ARL14EP: variants seen among roughly 807,000 people sequenced by gnomAD.
ARL14EP encodes ARL14 effector protein.
A neutral mutation model predicts 23.1 loss-of-function variants in ARL14EP; 12 were observed. The ratio of observed to expected loss-of-function variants is 0.52; its 90% CI spans 0.33 to 0.84. ARL14EP has a LOEUF of 0.84. Ranked by LOEUF, ARL14EP falls within the 40% of genes least tolerant of loss-of-function variation. The pLI, the probability that ARL14EP is intolerant of heterozygous loss-of-function variation, is 0.02. For missense variants in ARL14EP, 253 were observed against 307.3 expected (o/e 0.82, Z 1.32); for synonymous variants, 97 against 102.0 (o/e 0.95, Z 0.29).
At chr11:30,334,761 T>C (rs73457829) in intron 3 of ARL14EP, among the ~76,000 whole-genome samples, 3,984 of 152,316 alleles carry the variant, frequency 0.026, 177 homozygotes, top group African/African-American at 0.09. Context: ...GTTTACAGCA[T>C]TGTTCATTGA....
intron 1 of ARL14EP, among the ~76,000 whole-genome samples, chr11:30,327,635 G>A (rs1433460554): frequency 6.6e-6 from 1 of 152,042 alleles, no homozygotes; most frequent in African/African-American, 2.4e-5. Context: ...GTACAGTGAT[G>A]AGGGATAGTT....
chr11:30,335,858 G>A (rs950939303), intron 3 of ARL14EP, among the ~76,000 whole-genome samples: 1 of 151,864 alleles, frequency 6.6e-6, no homozygotes, highest in South Asian at 2.1e-4. Flanking sequence ...AAATGTGCCT[G>A]TAATTCATAT....
At position 30,337,945 on chromosome 11, in the gene ARL14EP, T is replaced by G. The variant is rs1254967926; in HGVS notation, c.*1150T>G. 2.0e-5 allele frequency: 3 copies of G among 152,216 alleles called. No homozygotes were observed. Among genetic ancestry groups the G allele is most frequent in the Non-Finnish European group, 4.4e-5 (3 of 68,044 alleles). 9.4% of individuals were successfully genotyped at this position (152,216 alleles called of 1,614,324 possible). A position where few individuals can be genotyped will look rare whatever the true frequency, so the allele number is the denominator to read the frequency against. ...TTTTTTTCTACATTTATAACTGGTC[T>G]TAAGAGTTTTTAATATTTGAGCAGA... On this transcript the variant is annotated 3_prime_UTR_variant, in exon 4 of 4. Coordinates refer to ENST00000282032, the MANE Select transcript of ARL14EP (RefSeq NM_152316.3).
In ARL14EP at chr11:30,337,363, G is replaced by T. The variant is rs1276782953; in HGVS notation, c.*568G>T. The T allele has an allele frequency of 6.4e-6, 1 of 155,054 alleles. No individual in the cohort carries two copies. The highest frequency in any genetic ancestry group is 1.9e-4 in the East Asian group (1 of 5,290). The allele number at this position is 155,054 out of a possible 1,614,324, so 9.6% of individuals were successfully genotyped here. On this transcript the variant is annotated 3_prime_UTR_variant, in exon 4 of 4. Coordinates refer to ENST00000282032, the MANE Select transcript of ARL14EP (RefSeq NM_152316.3). ...GTACAGCAGAGCATGTAGTTATGCT[G>T]TCTCTCTGTCATCTACTTGACATTC...
At chr11:30,336,469 T>G in intron 3 of ARL14EP, 98 bp from the exon 4 acceptor site, 1 of 1,167,936 alleles carries the variant, frequency 8.6e-7, no homozygotes, top group Non-Finnish European at 1.2e-6. Context: ...TGACCTCATC[T>G]AAAAATATTT....
chr11:30,333,379 G>A (rs1443902296), intron 3 of ARL14EP, among the ~76,000 whole-genome samples: 3 of 152,008 alleles, frequency 2.0e-5, no homozygotes, highest in East Asian at 1.9e-4. Flanking sequence ...GTGGCAACTC[G>A]GTGGTAAGCA....
chr11:30,336,073 A>AT (rs1475718022), intron 3 of ARL14EP, among the ~76,000 whole-genome samples: 2 of 152,162 alleles, frequency 1.3e-5, no homozygotes, highest in African/African-American at 4.8e-5. Flanking sequence ...CAACATTTCT[A>AT]TATATGCCAT....
intron 1 of ARL14EP, chr11:30,328,383 T>C (rs966608506): frequency 2.6e-5 from 4 of 152,150 alleles, no homozygotes; most frequent in South Asian, 2.1e-4. Flanking sequence ...TCAACCCACA[T>C]TGGCCTCCCA....
chr11:30,327,930 C>A (rs1374755551), intron 1 of ARL14EP: 1 of 148,048 alleles, frequency 6.8e-6, no homozygotes, highest in Non-Finnish European at 1.5e-5. Context: ...GAGCCAAGAT[C>A]TCGCCACTGC....
Position 30,331,310 on chromosome 11 carries a change from A to G in ARL14EP, c.362A>G (p.Gln121Arg). ...PGWKLCPKCT[Q>R]IINGSVDVDT... is the part of the protein sequence containing the mutation. ...TGGAAGCTTTGTCCAAAATGCACAC[A>G]GATAATCAATGGAAGTGTGGATGTT... is the stretch of plus-strand genomic sequence containing the variant. The change falls in exon 2 of 4, where the codon CAG becomes CGG. Residue 121 changes from glutamine (Q) to arginine (R), a missense_variant. By Grantham distance (43) the Gln-to-Arg change is conservative (BLOSUM62 1). Transcript: ENST00000282032. 1 of 1,614,022 alleles carries G rather than the reference A, an allele frequency of 6.2e-7. No individual in the cohort carries two copies. Among genetic ancestry groups the G allele is most frequent in the Non-Finnish European group, 8.5e-7 (1 of 1,179,882 alleles).
Position 30,334,168 on chromosome 11 carries a change from A to AGCTACAC in ARL14EP, c.554+1176_554+1182dup, listed in dbSNP as rs535695669. 2.1e-4 allele frequency among the ~76,000 whole-genome samples: 31 copies of AGCTACAC among 148,726 alleles called. No individual in the cohort carries two copies. In the South Asian group the frequency reaches 6.5e-3, roughly 31 times the overall value. ...GAAGCAGCAAGTTATTAATGAAGGT[A>AGCTACAC]GCTACACTACCCAACAGATTTTCAA... On this transcript the variant is annotated intron_variant, in intron 3 of 3. Transcript: ENST00000282032.
At chr11:30,335,559 G>T (rs1238909959) in intron 3 of ARL14EP, among the ~76,000 whole-genome samples, 1 of 152,168 alleles carries the variant, frequency 6.6e-6, no homozygotes, top group African/African-American at 2.4e-5. Context: ...TCCCTGATCA[G>T]TCAGCTGTCC....
chr11:30,337,304 G>T lies in ARL14EP; in HGVS notation c.*509G>T. The T allele has an allele frequency of 5.7e-6, 1 of 174,470 alleles. No homozygotes were observed. The highest frequency in any genetic ancestry group is 1.2e-5 in the Non-Finnish European group (1 of 81,404). The allele number at this position is 174,470 out of a possible 1,614,324, so 10.8% of individuals were successfully genotyped here. On this transcript the variant is annotated 3_prime_UTR_variant, in exon 4 of 4. Coordinates refer to ENST00000282032, the MANE Select transcript of ARL14EP (RefSeq NM_152316.3). ...GTTATTTCTTTCAAATTCTTCCAGT[G>T]GTTTGTCCCTGTGCATCTGTTAATT...
At chr11:30,330,764 C>A in intron 1 of ARL14EP, 122 bp from the exon 2 acceptor site, 1 of 611,758 alleles carries the variant, frequency 1.6e-6, no homozygotes, top group Non-Finnish European at 2.9e-6. Flanking sequence ...TATAAGACTT[C>A]GATAAATACC....
chr11:30,333,295 G>A (rs201985188), intron 3 of ARL14EP, among the ~76,000 whole-genome samples: 18 of 151,882 alleles, frequency 1.2e-4, no homozygotes, highest in African/African-American at 3.4e-4. Flanking sequence ...ATATATATAC[G>A]GACATACCTC....
At position 30,332,863 on chromosome 11, in the gene ARL14EP, C is replaced by T. The variant is rs777124285; in HGVS notation, c.427-3C>T. ...AGTTGATAATTTGTTTACCTTTCTT[C>T]AGGGAAGAACTGCTAAAGCTTTGAG... On this transcript the variant is annotated splice_region_variant and splice_polypyrimidine_tract_variant and intron_variant, in intron 2 of 3. Transcript: ENST00000282032. The T allele has an allele frequency of 1.2e-6, 2 of 1,612,674 alleles. No individual in the cohort carries two copies. The highest frequency in any genetic ancestry group is 1.1e-5 in the South Asian group (1 of 90,988).
chr11:30,336,620 T>G lies in ARL14EP; in HGVS notation c.608T>G (p.Phe203Cys). 6.2e-7 allele frequency: 1 copy of G among 1,614,162 alleles called. No homozygotes were observed. The highest frequency in any genetic ancestry group is 8.5e-7 in the Non-Finnish European group (1 of 1,180,022). ...KVYDSQGLLI[F>C]SGMDLCDCLD... is the part of the protein sequence containing the mutation. ...TATGATAGCCAGGGTCTCCTGATTT[T>G]TAGTGGGATGGACCTCTGTGACTGC... The change falls in exon 4 of 4, where the codon TTT becomes TGT. Residue 203 changes from phenylalanine (F) to cysteine (C), a missense_variant. Phe to Cys is a radical substitution (Grantham distance 205, BLOSUM62 -2). Coordinates refer to ENST00000282032, the MANE Select transcript of ARL14EP (RefSeq NM_152316.3).
intron 3 of ARL14EP, among the ~76,000 whole-genome samples, chr11:30,335,957 C>T (rs754944226): frequency 6.7e-4 from 102 of 152,122 alleles, no homozygotes; most frequent in South Asian, 1.5e-3. Flanking sequence ...AATAGAAATG[C>T]AGTTCTGTAT....
intron 1 of ARL14EP, among the ~76,000 whole-genome samples, 174 bp downstream of exon 1, chr11:30,323,376 G>A (rs557909863): frequency 6.6e-6 from 1 of 152,132 alleles, no homozygotes; most frequent in Non-Finnish European, 1.5e-5. Flanking sequence ...CCCTACCCCC[G>A]CGTAGTTCAT....
Sources: gnomAD v4.1 joint callset for allele counts (sites outside exome capture counted in the v4.1 genomes callset) on GRCh38, gnomAD v4.1.1 for gene constraint, MANE v1.5 for transcripts, NCBI Gene and HGNC (gene_info 2026-07-23, HGNC 2026-07-21) for gene names.